OLFM3: variants seen among roughly 807,000 people sequenced by gnomAD.
OLFM3 encodes the protein olfactomedin 3.
In OLFM3, 20 loss-of-function variants were observed where a neutral mutation model predicts 48.6. That is an observed-to-expected ratio of 0.41 (90% CI 0.29 to 0.60). The LOEUF (loss-of-function observed/expected upper bound fraction) is 0.60. Ranked by LOEUF, OLFM3 falls within the 20% of genes least tolerant of loss-of-function variation. The pLI, the probability that OLFM3 is intolerant of heterozygous loss-of-function variation, is 0.28. For missense variants in OLFM3, 437 were observed against 544.3 expected, an observed-to-expected ratio of 0.80 and a Z score of 1.96; for synonymous variants, 222 against 198.1, an observed-to-expected ratio of 1.12 and a Z score of -1.01.
chr1:101,928,256 G>T (rs1221480775), intron 1 of OLFM3, among the ~76,000 whole-genome samples: 2 of 152,034 alleles, frequency 1.3e-5, no homozygotes, highest in Non-Finnish European at 2.9e-5. Context: ...AATACTTTCA[G>T]GTGCAAGTCT....
chr1:101,882,108 TAC>T (rs919416402), intron 1 of OLFM3, among the ~76,000 whole-genome samples: 82 of 148,278 alleles, frequency 5.5e-4, no homozygotes, highest in Middle Eastern at 3.5e-3. Context: ...CACACACACA[TAC>T]ACACACACAC....
chr1:101,824,960 A>T (rs958139194), intron 4 of OLFM3, 66 bp downstream of exon 4: 8 of 1,380,582 alleles, frequency 5.8e-6, no homozygotes, highest in Non-Finnish European at 8.2e-6. Context: ...TATAAAACGT[A>T]AGAGCACAAT....
intron 1 of OLFM3, among the ~76,000 whole-genome samples, chr1:101,988,524 A>C (rs1557759147): frequency 6.6e-6 from 1 of 152,142 alleles, no homozygotes; most frequent in Admixed American, 6.5e-5. Context: ...ACTCAGTCTT[A>C]CTTCACTGCC....
chr1:101,828,046 G>GTC (rs1557691398), intron 3 of OLFM3, among the ~76,000 whole-genome samples: 2 of 129,966 alleles, frequency 1.5e-5, no homozygotes, highest in African/African-American at 6.2e-5. Context: ...CTGTCTGTCT[G>GTC]TCTGTCTCTC....
chr1:101,871,528 C>T (rs1657083638), intron 1 of OLFM3, among the ~76,000 whole-genome samples: 2 of 152,048 alleles, frequency 1.3e-5, no homozygotes, highest in Non-Finnish European at 1.5e-5. Flanking sequence ...GAATTGATAG[C>T]TTGACAGACT....
At chr1:101,854,197 T>A (rs1656331302) in intron 1 of OLFM3, among the ~76,000 whole-genome samples, 2 of 152,036 alleles carry the variant, frequency 1.3e-5, no homozygotes, top group Admixed American at 1.3e-4. Flanking sequence ...GATAGAGATC[T>A]GAGTCTCCTT....
At chr1:101,985,617 A>C (rs550072907) in intron 1 of OLFM3, among the ~76,000 whole-genome samples, 1 of 152,308 alleles carries the variant, frequency 6.6e-6, no homozygotes, top group South Asian at 2.1e-4. Flanking sequence ...TTTTCTTATA[A>C]TTTTAGCCAT....
In OLFM3 at chr1:101,847,361, A is replaced by T. The variant is rs1307402708; in HGVS notation, c.70-10336T>A. 1.4e-4 allele frequency among the ~76,000 whole-genome samples: 19 copies of T among 133,208 alleles called. No individual in the cohort carries two copies. In the East Asian group the frequency reaches 4.0e-3, roughly 28 times the overall value. 87.4% of individuals were successfully genotyped at this position (133,208 alleles called of 152,430 possible). A position where few individuals can be genotyped will look rare whatever the true frequency, so the allele number is the denominator to read the frequency against. On this transcript the variant is annotated intron_variant, in intron 1 of 5. Transcript: ENST00000370103. ...AATCAGCTACTCTTTATCTTTCATT[A>T]AAAAAAAAAAATACACCTTTAAATG...
intron 4 of OLFM3, among the ~76,000 whole-genome samples, chr1:101,820,434 A>G (rs1654556287): frequency 6.6e-6 from 1 of 152,096 alleles, no homozygotes; most frequent in Admixed American, 6.6e-5. Context: ...AAATTCTCAC[A>G]TCCATACAAT....
intron 1 of OLFM3, among the ~76,000 whole-genome samples, chr1:101,877,128 C>T (rs1657333253): frequency 7.0e-6 from 1 of 142,358 alleles, no homozygotes; most frequent in Non-Finnish European, 1.6e-5. Flanking sequence ...GTAAAATATT[C>T]AGATAGTTGC....
chr1:101,823,818 T>G (rs1654720107), intron 4 of OLFM3, among the ~76,000 whole-genome samples: 2 of 152,012 alleles, frequency 1.3e-5, no homozygotes, highest in African/African-American at 4.8e-5. Flanking sequence ...TGAGGATTCT[T>G]GAACATGTGT....
chr1:101,986,396 C>T (rs1313337147), intron 1 of OLFM3, among the ~76,000 whole-genome samples: 1 of 152,114 alleles, frequency 6.6e-6, no homozygotes, highest in East Asian at 1.9e-4. Flanking sequence ...CTGACTTGCC[C>T]AGGGCCATAC....
At chr1:101,832,383 T>C (rs1326689950) in intron 2 of OLFM3, among the ~76,000 whole-genome samples, 3 of 152,236 alleles carry the variant, frequency 2.0e-5, no homozygotes, top group Non-Finnish European at 2.9e-5. Flanking sequence ...CTTAGAACTA[T>C]AATATTGGAA....
chr1:101,846,131 C>G (rs1655981365), intron 1 of OLFM3, among the ~76,000 whole-genome samples: 1 of 152,078 alleles, frequency 6.6e-6, no homozygotes, highest in Non-Finnish European at 1.5e-5. Flanking sequence ...AACCTTGCTT[C>G]AAACTATCAG....
chr1:101,872,145 AT>A (rs1657106607), intron 1 of OLFM3, among the ~76,000 whole-genome samples: 1 of 152,064 alleles, frequency 6.6e-6, no homozygotes, highest in Non-Finnish European at 1.5e-5. Flanking sequence ...GAAGGTGAAG[AT>A]TACAGATAAG....
At chr1:101,849,470 G>T (rs1048398045) in intron 1 of OLFM3, among the ~76,000 whole-genome samples, 2 of 152,140 alleles carry the variant, frequency 1.3e-5, no homozygotes, top group Non-Finnish European at 2.9e-5. Flanking sequence ...AGGGCTTCAG[G>T]GTCACCCAAA....
At chr1:101,828,054 C>CTCTCTCTG (rs1654963709) in intron 3 of OLFM3, among the ~76,000 whole-genome samples, 4 of 113,660 alleles carry the variant, frequency 3.5e-5, no homozygotes, top group African/African-American at 1.3e-4. Context: ...CTGTCTGTCT[C>CTCTCTCTG]TCTCTCTCTC....
chr1:101,864,382 T>C (rs1436820621), intron 1 of OLFM3, among the ~76,000 whole-genome samples: 2 of 152,210 alleles, frequency 1.3e-5, no homozygotes, highest in Non-Finnish European at 2.9e-5. Context: ...GCCTTTTCTC[T>C]TGTCTCTGTA....
intron 2 of OLFM3, among the ~76,000 whole-genome samples, chr1:101,835,825 G>GA (rs879737621): frequency 6.6e-6 from 1 of 152,212 alleles, no homozygotes; most frequent in East Asian, 1.9e-4. Flanking sequence ...ATAAGCACAT[G>GA]AAAAAATCCT....
Sources: allele counts gnomAD v4.1 joint callset (sites outside exome capture counted in the v4.1 genomes callset), GRCh38; gene constraint gnomAD v4.1.1; transcripts MANE v1.5; gene names NCBI Gene and HGNC (gene_info 2026-07-23, HGNC 2026-07-21).